The following PCMTD2 variants were observed in gnomAD, a reference collection of about 807,000 sequenced individuals.
PCMTD2 encodes the protein protein-L-isoaspartate (D-aspartate) O-methyltransferase domain containing 2.
In PCMTD2, 16 loss-of-function variants were observed where a neutral mutation model predicts 33.4. The ratio of observed to expected loss-of-function variants is 0.48; its 90% CI spans 0.32 to 0.73. The LOEUF (loss-of-function observed/expected upper bound fraction) is 0.73. PCMTD2 is among the 30% of genes least tolerant of loss of function. PCMTD2 has a pLI of 0.03. For synonymous variants in PCMTD2, 161 were observed against 160.8 expected (o/e 1.00, Z -0.01); for missense variants, 374 against 449.9 (o/e 0.83, Z 1.53).
At position 64,274,010 on chromosome 20, in the gene PCMTD2, G is replaced by A. The variant is rs1986017983; in HGVS notation, c.*410G>A. ...AACTAACCTGTGTTGCTTATAAAGTGTGAAAGCACAAGCTTATAAATGTAT... is the reference window on the plus strand; with the variant it reads ...AACTAACCTGTGTTGCTTATAAAGTATGAAAGCACAAGCTTATAAATGTAT... On this transcript the variant is annotated 3_prime_UTR_variant, in exon 6 of 6. Transcript: ENST00000308824. 1 of 159,570 alleles carries A rather than the reference G, an allele frequency of 6.3e-6. No homozygotes were observed. The highest frequency in any genetic ancestry group is 2.4e-5 in the African/African-American group (1 of 41,736). 9.9% of individuals were successfully genotyped at this position (159,570 alleles called of 1,614,324 possible).
At chr20:64,270,255 G>A (rs1170510073) in intron 5 of PCMTD2, among the ~76,000 whole-genome samples, 1 of 145,998 alleles carries the variant, frequency 6.8e-6, no homozygotes, top group Non-Finnish European at 1.5e-5. Flanking sequence ...GGTCGTGTGA[G>A]TGTGGGCACG....
intron 5 of PCMTD2, chr20:64,271,795 C>T (rs935403813): frequency 5.8e-5 from 10 of 173,436 alleles, no homozygotes; most frequent in Non-Finnish European, 1.1e-4. Flanking sequence ...AGCCACGTTC[C>T]TTATCCCAAG....
intron 2 of PCMTD2, among the ~76,000 whole-genome samples, chr20:64,260,986 G>A (rs1334130205): frequency 6.6e-6 from 1 of 152,118 alleles, no homozygotes; most frequent in East Asian, 1.9e-4. Context: ...GAGCCACCAT[G>A]CCTGGCCTAC....
At chr20:64,266,239 T>C (rs1233447257) in intron 4 of PCMTD2, among the ~76,000 whole-genome samples, 2 of 151,934 alleles carry the variant, frequency 1.3e-5, no homozygotes, top group Non-Finnish European at 2.9e-5. Flanking sequence ...CAGATAAATT[T>C]ATTTTTTAAA....
At chr20:64,266,762 G>C (rs1481483082) in intron 4 of PCMTD2, among the ~76,000 whole-genome samples, 1 of 152,112 alleles carries the variant, frequency 6.6e-6, no homozygotes, top group East Asian at 1.9e-4. Flanking sequence ...ATTTTTTATT[G>C]GAATTGTATC....
intron 4 of PCMTD2, 121 bp from the exon 5 acceptor site, chr20:64,267,766 C>A: frequency 1.2e-6 from 1 of 817,068 alleles, no homozygotes; most frequent in Non-Finnish European, 1.9e-6. Flanking sequence ...GTCCGTATGT[C>A]AAGATATTTC....
At chr20:64,269,489 C>CT (rs1985796435) in intron 5 of PCMTD2, among the ~76,000 whole-genome samples, 1 of 152,144 alleles carries the variant, frequency 6.6e-6, no homozygotes, top group Admixed American at 6.6e-5. Context: ...TAATGTGATG[C>CT]TTTTAGAGTT....
At chr20:64,259,800 G>T in intron 1 of PCMTD2, 142 bp from the exon 2 acceptor site, 1 of 563,232 alleles carries the variant, frequency 1.8e-6, no homozygotes, top group Non-Finnish European at 3.1e-6. Flanking sequence ...TCTGGGTGGG[G>T]CAGGGGATGA....
chr20:64,266,136 A>C (rs1985647818), intron 4 of PCMTD2, among the ~76,000 whole-genome samples: 1 of 152,116 alleles, frequency 6.6e-6, no homozygotes, highest in Non-Finnish European at 1.5e-5. Context: ...TGGCATGATA[A>C]TAGCTCACTG....
intron 1 of PCMTD2, among the ~76,000 whole-genome samples, chr20:64,256,313 T>C (rs1420355216): frequency 1.3e-5 from 2 of 152,098 alleles, no homozygotes; most frequent in Non-Finnish European, 2.9e-5. Flanking sequence ...ATAGTAAGAA[T>C]TGGAGCAGAG....
chr20:64,272,681 G>C (rs531410721), intron 5 of PCMTD2, among the ~76,000 whole-genome samples: 10 of 152,186 alleles, frequency 6.6e-5, no homozygotes, highest in Non-Finnish European at 1.5e-4. Context: ...TTAGCTGGGC[G>C]TGGTGGCGCA....
At position 64,276,084 on chromosome 20, in the gene PCMTD2, T is replaced by G. The variant is rs1427982948; in HGVS notation, c.*2484T>G. 2.6e-5 allele frequency: 4 copies of G among 152,216 alleles called. No individual in the cohort carries two copies. The East Asian group carries it at 7.7e-4, about 29-fold the overall frequency. The allele number at this position is 152,216 out of a possible 1,614,324, so 9.4% of individuals were successfully genotyped here. A position where few individuals can be genotyped will look rare whatever the true frequency, so the allele number is the denominator to read the frequency against. On this transcript the variant is annotated 3_prime_UTR_variant, in exon 6 of 6. Coordinates refer to ENST00000308824, the MANE Select transcript of PCMTD2 (RefSeq NM_018257.3). ...ATTCTTGAATATGTTCTTTTCAAAATCTTAAGAAAAGAACCTTTTTTCTTT... is the reference window on the plus strand; with the variant it reads ...ATTCTTGAATATGTTCTTTTCAAAAGCTTAAGAAAAGAACCTTTTTTCTTT...
chr20:64,260,403 G>A (rs1163713193), intron 2 of PCMTD2, 131 bp downstream of exon 2: 1 of 654,610 alleles, frequency 1.5e-6, no homozygotes, highest in East Asian at 2.6e-5. Flanking sequence ...ATCTGACATT[G>A]ACACATCACT....
chr20:64,261,449 C>T (rs1282990753), intron 2 of PCMTD2, among the ~76,000 whole-genome samples: 4 of 152,168 alleles, frequency 2.6e-5, no homozygotes, highest in African/African-American at 7.2e-5. Context: ...GTGGTTCATG[C>T]CTGTAATCCC....
At chr20:64,270,747 A>G (rs1405439996) in intron 5 of PCMTD2, among the ~76,000 whole-genome samples, 1 of 149,998 alleles carries the variant, frequency 6.7e-6, no homozygotes, top group Non-Finnish European at 1.5e-5. Context: ...GAGGAAGGGC[A>G]CGTGAGGTGT....
rs573542700 is a variant in PCMTD2 at position 64,275,335 on chromosome 20, T to G, written c.*1735T>G. The G allele has an allele frequency of 6.6e-6, 1 of 152,306 alleles. No homozygotes were observed. The highest frequency in any genetic ancestry group is 2.1e-4 in the South Asian group (1 of 4,824). 9.4% of individuals were successfully genotyped at this position (152,306 alleles called of 1,614,324 possible). A position where few individuals can be genotyped will look rare whatever the true frequency, so the allele number is the denominator to read the frequency against. ...GATACGTAGACACTTACTTGGAAAT[T>G]TTTGGACATTATATTAAATGAGTGC... is the stretch of plus-strand genomic sequence containing the variant. On this transcript the variant is annotated 3_prime_UTR_variant, in exon 6 of 6. Coordinates refer to ENST00000308824, the MANE Select transcript of PCMTD2 (RefSeq NM_018257.3).
rs368444080 is a variant in PCMTD2, at chr20:64,264,445, C to T, written c.324C>T (p.Asn108=). 3.5e-5 allele frequency: 56 copies of T among 1,588,760 alleles called. No individual in the cohort carries two copies. Among genetic ancestry groups the T allele is most frequent in the Admixed American group, 5.0e-5 (3 of 59,946 alleles). ...VGLILGPFGV[N]HGVELHSDVI... is the part of the protein sequence containing the mutation. ...ACCTTTTAGGTCCTTTTGGTGTGAA[C>T]CATGGGGTGGAACTTCACTCAGATG... Residue 108 remains asparagine (N), a synonymous_variant, in exon 3 of 6, where the codon AAC becomes AAT. Transcript: ENST00000308824.
rs775264365 is a variant in PCMTD2 at position 64,273,315 on chromosome 20, C to T, written c.801C>T (p.Asn267=). The change falls in exon 6 of 6, where the codon AAC becomes AAT. Residue 267 remains asparagine (N), a synonymous_variant. Transcript: ENST00000308824. ...KIIHQETVSK[N]GNGLKNTPRF... ...TTCATCAGGAAACTGTGAGCAAAAACGGAAACGGACTAAAGAACACCCCCA... is the reference window on the plus strand; with the variant it reads ...TTCATCAGGAAACTGTGAGCAAAAATGGAAACGGACTAAAGAACACCCCCA... 1.2e-5 allele frequency: 20 copies of T among 1,613,982 alleles called. No individual in the cohort carries two copies. Among genetic ancestry groups the T allele is most frequent in the South Asian group, 2.2e-5 (2 of 91,084 alleles).
chr20:64,273,123 C>A, intron 5 of PCMTD2, 98 bp from the exon 6 acceptor site: 2 of 954,480 alleles, frequency 2.1e-6, no homozygotes, highest in Non-Finnish European at 3.2e-6. Context: ...CATAAATTTG[C>A]CAGTTAATTG....
Sources: allele counts gnomAD v4.1 joint callset (sites outside exome capture counted in the v4.1 genomes callset), GRCh38; gene constraint gnomAD v4.1.1; transcripts MANE v1.5; gene names NCBI Gene and HGNC (gene_info 2026-07-23, HGNC 2026-07-21).